Variants in LRFN5 observed in about 807,000 individuals in gnomAD.
LRFN5 encodes the protein leucine-rich repeat and fibronectin type-III domain-containing protein 5.
LRFN5 carries 24 observed loss-of-function variants against 45.6 expected under a neutral mutation model. The observed-to-expected ratio is 0.53, with a 90% CI of 0.38 to 0.74. LRFN5 has a LOEUF of 0.74. Ranked by LOEUF, LRFN5 falls within the 30% of genes least tolerant of loss-of-function variation. LRFN5 has a pLI of 0.00. For synonymous variants in LRFN5, 340 were observed against 313.8 expected (o/e 1.08, Z -0.88); for missense variants, 776 against 861.5 (o/e 0.90, Z 1.24).
intron 2 of LRFN5, among the ~76,000 whole-genome samples, chr14:41,822,599 T>C (rs1422878681): frequency 6.6e-6 from 1 of 152,084 alleles, no homozygotes; most frequent in Non-Finnish European, 1.5e-5. Flanking sequence ...TTCTATATGC[T>C]GATGAGAAAA....
intron 1 of LRFN5, among the ~76,000 whole-genome samples, chr14:41,766,327 A>T (rs1455495775): frequency 6.6e-6 from 1 of 152,172 alleles, no homozygotes; most frequent in African/African-American, 2.4e-5. Context: ...TTAAAAAATA[A>T]ATGGCATGCC....
chr14:41,791,144 T>A (rs1886904531), intron 2 of LRFN5, among the ~76,000 whole-genome samples: 1 of 152,016 alleles, frequency 6.6e-6, no homozygotes, highest in South Asian at 2.1e-4. Flanking sequence ...CATCTGTATA[T>A]TTTTTTCCTT....
At chr14:41,745,804 C>G (rs1555359860) in intron 1 of LRFN5, among the ~76,000 whole-genome samples, 1 of 151,850 alleles carries the variant, frequency 6.6e-6, no homozygotes, top group Non-Finnish European at 1.5e-5. Context: ...ACAAAACTTA[C>G]CAAAATTAAC....
chr14:41,685,422 A>C (rs971766202), intron 1 of LRFN5, among the ~76,000 whole-genome samples: 2 of 152,076 alleles, frequency 1.3e-5, no homozygotes, highest in African/African-American at 4.8e-5. Context: ...AGACAAACAG[A>C]TAGAGAAAAA....
At chr14:41,764,824 A>C (rs1348147016) in intron 1 of LRFN5, among the ~76,000 whole-genome samples, 1 of 150,518 alleles carries the variant, frequency 6.6e-6, no homozygotes, top group African/African-American at 2.5e-5. Flanking sequence ...TGCAGAATAC[A>C]TATATATGAT....
intron 2 of LRFN5, among the ~76,000 whole-genome samples, chr14:41,806,241 A>G (rs1166341807): frequency 6.6e-6 from 1 of 152,286 alleles, no homozygotes; most frequent in South Asian, 2.1e-4. Context: ...TTAGATAGCT[A>G]CATATCTAGA....
chr14:41,870,383 T>G (rs1313326413), intron 2 of LRFN5, among the ~76,000 whole-genome samples: 1 of 152,102 alleles, frequency 6.6e-6, no homozygotes, highest in Non-Finnish European at 1.5e-5. Context: ...TACTCCAGAT[T>G]GGGTAATTTA....
At chr14:41,813,981 T>C (rs1415453961) in intron 2 of LRFN5, among the ~76,000 whole-genome samples, 1 of 152,234 alleles carries the variant, frequency 6.6e-6, no homozygotes, top group Non-Finnish European at 1.5e-5. Flanking sequence ...TGTCTGTTCA[T>C]ATCCTTTGCC....
At position 41,904,316 on chromosome 14, in the gene LRFN5, A is replaced by C; in HGVS notation, c.*141A>C. 5 of 1,045,786 alleles carry C rather than the reference A, an allele frequency of 4.8e-6. No homozygotes were observed. Among genetic ancestry groups the C allele is most frequent in the Non-Finnish European group, 5.8e-6 (4 of 691,262 alleles). The allele number at this position is 1,045,786 out of a possible 1,614,324, so 64.8% of individuals were successfully genotyped here. ...AAATTGTCTACAGGAGCCAAGGTGA[A>C]AGTCTCTGATGACGGCGGAACTGGC... On this transcript the variant is annotated 3_prime_UTR_variant, in exon 6 of 6. Transcript: ENST00000298119.
At chr14:41,789,135 T>C (rs1018890065) in intron 2 of LRFN5, among the ~76,000 whole-genome samples, 1 of 152,022 alleles carries the variant, frequency 6.6e-6, no homozygotes, top group African/African-American at 2.4e-5. Context: ...AATTTATAGC[T>C]CATATTAATT....
chr14:41,751,170 C>A (rs148034290), intron 1 of LRFN5, among the ~76,000 whole-genome samples: 2,996 of 152,132 alleles, frequency 0.02, 35 homozygotes, highest in Non-Finnish European at 0.029. Flanking sequence ...TAGGGCCCTC[C>A]CTCAACACAA....
intron 2 of LRFN5, among the ~76,000 whole-genome samples, chr14:41,852,075 A>T (rs1889286533): frequency 6.6e-6 from 1 of 151,852 alleles, no homozygotes; most frequent in Non-Finnish European, 1.5e-5. Context: ...AAAATTGTGG[A>T]TATAACTATA....
chr14:41,808,998 C>A (rs1408706820), intron 2 of LRFN5, among the ~76,000 whole-genome samples: 1 of 152,092 alleles, frequency 6.6e-6, no homozygotes, highest in Non-Finnish European at 1.5e-5. Flanking sequence ...GTACCATCAG[C>A]TTTAGCAGAA....
chr14:41,878,486 G>C (rs1566499564), intron 2 of LRFN5, among the ~76,000 whole-genome samples: 1 of 152,078 alleles, frequency 6.6e-6, no homozygotes, highest in African/African-American at 2.4e-5. Flanking sequence ...TGATACTCTT[G>C]AGCATATGTT....
At chr14:41,628,620 T>TAAA (rs911232736) in intron 1 of LRFN5, among the ~76,000 whole-genome samples, 2 of 151,876 alleles carry the variant, frequency 1.3e-5, no homozygotes, top group Non-Finnish European at 2.9e-5. Context: ...AATAAATAAA[T>TAAA]AAATAAAAGC....
chr14:41,784,389 A>G (rs1274279849), intron 2 of LRFN5, among the ~76,000 whole-genome samples: 1 of 150,998 alleles, frequency 6.6e-6, no homozygotes, highest in Non-Finnish European at 1.5e-5. Flanking sequence ...AAAAATTTTT[A>G]TTTCTTTTTT....
chr14:41,667,990 C>T (rs1367224620), intron 1 of LRFN5, among the ~76,000 whole-genome samples: 1 of 152,152 alleles, frequency 6.6e-6, no homozygotes, highest in African/African-American at 2.4e-5. Context: ...TATTGCACAG[C>T]TGGGTCAAGA....
chr14:41,748,900 T>A (rs1287961435), intron 1 of LRFN5, among the ~76,000 whole-genome samples: 10 of 150,336 alleles, frequency 6.7e-5, no homozygotes, highest in Admixed American at 2.0e-4. Flanking sequence ...ACAGGATATT[T>A]TATATATATA....
At chr14:41,858,639 A>G (rs1226390173) in intron 2 of LRFN5, among the ~76,000 whole-genome samples, 1 of 152,152 alleles carries the variant, frequency 6.6e-6, no homozygotes, top group Non-Finnish European at 1.5e-5. Flanking sequence ...TGCTTTTCTT[A>G]TCTTTGTCCT....
Sources: gnomAD v4.1 joint callset for allele counts (sites outside exome capture counted in the v4.1 genomes callset) on GRCh38, gnomAD v4.1.1 for gene constraint, MANE v1.5 for transcripts, NCBI Gene and HGNC (gene_info 2026-07-23, HGNC 2026-07-21) for gene names.